Variants in BBS12 observed in about 807,000 individuals in gnomAD.
The protein encoded by BBS12 is Bardet-Biedl syndrome 12.
Under a neutral mutation model 5.6 loss-of-function variants are expected in BBS12, and 5 were observed. The ratio of observed to expected loss-of-function variants is 0.89; its 90% CI spans 0.46 to 1.86. BBS12 has a LOEUF of 1.86. BBS12 is among the 40% of genes most tolerant of loss of function. The pLI is 0.01. For missense variants in BBS12, 748 were observed against 830.4 expected (o/e 0.90, Z 1.22); for synonymous variants, 308 against 306.8 (o/e 1.00, Z -0.04).
intron 1 of BBS12, chr4:122,733,859 C>CTTTTTT (rs35729794): frequency 5.5e-4 from 53 of 97,144 alleles, no homozygotes; most frequent in Non-Finnish European, 8.0e-4. Context: ...TAACTTTAGT[C>CTTTTTT]TTTTTTTTTT....
At chr4:122,724,763 T>C in the BBS12 span, among the ~76,000 whole-genome samples, 3 of 152,146 alleles carry the variant, frequency 2.0e-5, no homozygotes, top group African/African-American at 7.2e-5. Flanking sequence ...GATTTTTGTG[T>C]TCTAGTAATA....
chr4:122,717,845 C>T, the BBS12 span, among the ~76,000 whole-genome samples: 65,930 of 152,044 alleles, frequency 0.43, 15,862 homozygotes, highest in East Asian at 0.65. Flanking sequence ...TTTTCTCCCC[C>T]TGAGAATGTG....
At chr4:122,716,765 G>C in the BBS12 span, among the ~76,000 whole-genome samples, 1 of 150,536 alleles carries the variant, frequency 6.6e-6, no homozygotes, top group Non-Finnish European at 1.5e-5. Flanking sequence ...AATTTCCCTG[G>C]TAATTCAATG....
At position 122,742,923 on chromosome 4, in the gene BBS12, C is replaced by T. The variant is rs2150736784; in HGVS notation, c.1031C>T (p.Pro344Leu). ...YITVVSVSNN[P>L]VIKELQNQPV... is the part of the protein sequence containing the mutation. ...ACTGTTGTGTCAGTATCTAATAATC[C>T]TGTGATCAAGGAATTGCAGAATCAG... The change falls in exon 2 of 2, where the codon CCT becomes CTT. Residue 344 changes from proline to leucine, a missense_variant. Pro to Leu is a moderately conservative substitution (Grantham distance 98). Coordinates refer to ENST00000314218, the MANE Select transcript of BBS12 (RefSeq NM_152618.3). The T allele has an allele frequency of 6.2e-7, 1 of 1,614,164 alleles. No individual in the cohort carries two copies. Among genetic ancestry groups the T allele is most frequent in the East Asian group, 2.2e-5 (1 of 44,886 alleles).
the BBS12 span, among the ~76,000 whole-genome samples, chr4:122,715,288 C>T: frequency 1.3e-5 from 2 of 150,790 alleles, no homozygotes; most frequent in South Asian, 4.2e-4. Flanking sequence ...TCTCATCCAT[C>T]ACTTTCACCA....
At chr4:122,726,236 A>G in the BBS12 span, among the ~76,000 whole-genome samples, 32 of 152,306 alleles carry the variant, frequency 2.1e-4, no homozygotes, top group African/African-American at 7.5e-4. Context: ...AAGAAAAAAA[A>G]CGATGCCATC....
upstream of BBS12, chr4:122,731,481 C>T (rs980225755): frequency 6.6e-6 from 1 of 152,164 alleles, no homozygotes; most frequent in Non-Finnish European, 1.5e-5. Flanking sequence ...TATAAAACTT[C>T]TGATTGCTCC....
chr4:122,714,594 A>G, the BBS12 span, among the ~76,000 whole-genome samples: 1 of 152,080 alleles, frequency 6.6e-6, no homozygotes, highest in Admixed American at 6.6e-5. Context: ...AGCCTGGCCA[A>G]CATGGTGAAA....
the BBS12 span, among the ~76,000 whole-genome samples, chr4:122,723,529 A>G: frequency 6.6e-6 from 1 of 152,212 alleles, no homozygotes; most frequent in African/African-American, 2.4e-5. Context: ...GAATGAAAGC[A>G]AGAACTGAAA....
the BBS12 span, among the ~76,000 whole-genome samples, chr4:122,725,422 A>C: frequency 9.2e-5 from 14 of 152,346 alleles, no homozygotes; most frequent in African/African-American, 3.4e-4. Flanking sequence ...AGGCACATAG[A>C]CCAATGGAAC....
chr4:122,708,777 T>G, the BBS12 span, among the ~76,000 whole-genome samples: 4 of 152,236 alleles, frequency 2.6e-5, no homozygotes, highest in African/African-American at 9.6e-5. Context: ...AACATCACAT[T>G]GTGCCCCGTA....
At chr4:122,717,855 G>A in the BBS12 span, among the ~76,000 whole-genome samples, 8 of 152,164 alleles carry the variant, frequency 5.3e-5, no homozygotes, top group Admixed American at 3.9e-4. Context: ...CTGAGAATGT[G>A]AGCTATCAGC....
the BBS12 span, among the ~76,000 whole-genome samples, chr4:122,727,126 G>A: frequency 3.1e-4 from 47 of 152,062 alleles, no homozygotes; most frequent in Non-Finnish European, 3.4e-4. Context: ...AAATATAAAG[G>A]CTGAAACACA....
the BBS12 span, among the ~76,000 whole-genome samples, chr4:122,720,154 T>G: frequency 6.6e-6 from 1 of 151,860 alleles, no homozygotes; most frequent in Admixed American, 6.6e-5. Flanking sequence ...GAGCTGAAAA[T>G]AAAGATCATT....
intron 1 of BBS12, among the ~76,000 whole-genome samples, chr4:122,739,521 A>G (rs1238814278): frequency 6.6e-6 from 1 of 152,244 alleles, no homozygotes; most frequent in African/African-American, 2.4e-5. Context: ...AACTTATTTC[A>G]GAGGAAGAAG....
rs745448288 is a variant in BBS12, at chr4:122,742,532, C to T, written c.640C>T (p.Arg214Ter). The change falls in exon 2 of 2, where the codon CGA becomes TGA. Residue 214 changes from arginine to a stop codon, truncating the protein, a stop_gained. Coordinates refer to ENST00000314218, the MANE Select transcript of BBS12 (RefSeq NM_152618.3). LOFTEE classifies it low-confidence loss of function (END_TRUNC). The part of the protein sequence containing the change: ...TKVEADNNTS[R>*]TLKNSLLADT... ...GGTTGAAGCAGATAACAACACATCA[C>T]GAACTCTGAAAAACAGCCTGCTTGC... 3.1e-6 allele frequency: 5 copies of T among 1,614,140 alleles called. No homozygotes were observed. Among genetic ancestry groups the T allele is most frequent in the East Asian group, 2.2e-5 (1 of 44,872 alleles).
chr4:122,728,791 G>A (rs1454864803), upstream of BBS12: 2 of 152,210 alleles, frequency 1.3e-5, no homozygotes, highest in Non-Finnish European at 2.9e-5. Context: ...CATTTCAGTT[G>A]TGCTAAAAAT....
At chr4:122,700,698 C>G in the BBS12 span, among the ~76,000 whole-genome samples, 1 of 152,240 alleles carries the variant, frequency 6.6e-6, no homozygotes, top group South Asian at 2.1e-4. Flanking sequence ...GGTGTTGGAG[C>G]TGGTGGAGCC....
At chr4:122,702,464 T>C in the BBS12 span, among the ~76,000 whole-genome samples, 19 of 152,222 alleles carry the variant, frequency 1.2e-4, no homozygotes, top group Admixed American at 3.3e-4. Flanking sequence ...ATCCTATATG[T>C]GCCTGCTGAC....
Sources: allele counts gnomAD v4.1 joint callset (sites outside exome capture counted in the v4.1 genomes callset), GRCh38; gene constraint gnomAD v4.1.1; transcripts MANE v1.5; gene names NCBI Gene and HGNC (gene_info 2026-07-23, HGNC 2026-07-21).